LYPD6B: variants seen among roughly 807,000 people sequenced by gnomAD.
LYPD6B encodes LY6/PLAUR domain containing 6B.
Under a neutral mutation model 22.8 loss-of-function variants are expected in LYPD6B, and 17 were observed. That is an observed-to-expected ratio of 0.75 (90% CI 0.51 to 1.12). The LOEUF is 1.12. Ranked by LOEUF, LYPD6B falls within the 50% of genes most tolerant of loss-of-function variation. LYPD6B has a pLI of 0.00. For missense variants in LYPD6B, 221 were observed against 258.3 expected, an observed-to-expected ratio of 0.86 and a Z score of 0.99; for synonymous variants, 106 against 91.6, an observed-to-expected ratio of 1.16 and a Z score of -0.90.
intron 1 of LYPD6B, among the ~76,000 whole-genome samples, chr2:149,117,364 G>A (rs1687059023): frequency 1.3e-5 from 2 of 151,360 alleles, no homozygotes; most frequent in African/African-American, 4.9e-5. Context: ...TCTGCCTCCC[G>A]GGTTCAAGTG....
chr2:149,175,966 A>G (rs1003545408), intron 3 of LYPD6B, among the ~76,000 whole-genome samples: 19 of 152,146 alleles, frequency 1.2e-4, no homozygotes, highest in Admixed American at 5.2e-4. Flanking sequence ...ACTTTTTAAA[A>G]CAAATAAATA....
intron 2 of LYPD6B, chr2:149,154,102 G>A: frequency 1.1e-6 from 1 of 880,658 alleles, no homozygotes; most frequent in Non-Finnish European, 1.4e-6. Context: ...TATTATAGTG[G>A]ATTTGTATTT....
intron 1 of LYPD6B, among the ~76,000 whole-genome samples, chr2:149,093,486 C>G (rs748091465): frequency 2.6e-5 from 4 of 152,206 alleles, no homozygotes; most frequent in Non-Finnish European, 5.9e-5. Context: ...CATTCTGAGA[C>G]AATCCATGGT....
chr2:149,120,382 TA>T (rs1273010598), intron 1 of LYPD6B, among the ~76,000 whole-genome samples: 55 of 39,620 alleles, frequency 1.4e-3, no homozygotes, highest in African/African-American at 4.8e-3. Flanking sequence ...TATATATATA[TA>T]TTTTTTTTTT....
chr2:149,149,052 T>C (rs1390800300), intron 2 of LYPD6B, among the ~76,000 whole-genome samples: 1 of 152,138 alleles, frequency 6.6e-6, no homozygotes, highest in Non-Finnish European at 1.5e-5. Context: ...AGAAAGCAGC[T>C]AACCTGAAAC....
chr2:149,104,223 C>A (rs530970492), intron 1 of LYPD6B, among the ~76,000 whole-genome samples: 8 of 152,092 alleles, frequency 5.3e-5, no homozygotes, highest in Admixed American at 5.2e-4. Context: ...CATTTGTGTA[C>A]AGATCTTTGT....
At chr2:149,165,135 C>T (rs534058740) in intron 3 of LYPD6B, among the ~76,000 whole-genome samples, 1 of 152,196 alleles carries the variant, frequency 6.6e-6, no homozygotes, top group East Asian at 1.9e-4. Context: ...CATGGTCTGC[C>T]CCTCCAATAG....
chr2:149,181,926 G>A (rs1691756367), intron 3 of LYPD6B, among the ~76,000 whole-genome samples: 2 of 152,214 alleles, frequency 1.3e-5, no homozygotes, highest in South Asian at 4.1e-4. Context: ...AGCATGGTAT[G>A]GCAGCAAGAT....
chr2:149,200,497 A>G (rs758316934), intron 3 of LYPD6B: 3 of 148,998 alleles, frequency 2.0e-5, no homozygotes, highest in Non-Finnish European at 4.4e-5. Context: ...TCTAGCATGC[A>G]CTGAGCATGG....
intron 2 of LYPD6B, among the ~76,000 whole-genome samples, chr2:149,156,554 G>A (rs917809929): frequency 6.6e-6 from 1 of 152,174 alleles, no homozygotes; most frequent in African/African-American, 2.4e-5. Flanking sequence ...TCTTTCTGAG[G>A]CCTGTCTGCA....
intron 2 of LYPD6B, among the ~76,000 whole-genome samples, chr2:149,140,278 C>T (rs1353221329): frequency 2.0e-5 from 3 of 152,154 alleles, no homozygotes; most frequent in Non-Finnish European, 4.4e-5. Flanking sequence ...GCCAAGGCAA[C>T]GAGCGAGCTT....
At chr2:149,072,957 C>T (rs1317621222) in intron 1 of LYPD6B, among the ~76,000 whole-genome samples, 1 of 152,206 alleles carries the variant, frequency 6.6e-6, no homozygotes, top group African/African-American at 2.4e-5. Context: ...GCAGAGGGAA[C>T]AGCAAGTGCA....
At chr2:149,184,778 A>G (rs1691981142) in intron 3 of LYPD6B, among the ~76,000 whole-genome samples, 1 of 152,202 alleles carries the variant, frequency 6.6e-6, no homozygotes, top group Non-Finnish European at 1.5e-5. Context: ...ATGGTGAGAA[A>G]CCAGATATGC....
chr2:149,191,401 T>C (rs1184317030), intron 3 of LYPD6B, among the ~76,000 whole-genome samples: 1 of 152,142 alleles, frequency 6.6e-6, no homozygotes, highest in Non-Finnish European at 1.5e-5. Context: ...CCAACCATAT[T>C]TTTTTCCTGG....
intron 3 of LYPD6B, among the ~76,000 whole-genome samples, chr2:149,172,627 ATAGT>A: frequency 6.6e-6 from 1 of 152,236 alleles, no homozygotes; most frequent in East Asian, 1.9e-4. Context: ...GGATGCCCAG[ATAGT>A]TAGTAAAACA....
At chr2:149,085,399 C>A (rs1262500868) in intron 1 of LYPD6B, among the ~76,000 whole-genome samples, 1 of 152,260 alleles carries the variant, frequency 6.6e-6, no homozygotes, top group African/African-American at 2.4e-5. Flanking sequence ...GGAACCCAAA[C>A]CCAAAACTCC....
chr2:149,130,704 G>A (rs1453551800), intron 1 of LYPD6B, among the ~76,000 whole-genome samples, 179 bp from the exon 2 acceptor site: 2 of 152,150 alleles, frequency 1.3e-5, no homozygotes, highest in African/African-American at 4.8e-5. Context: ...AGGACAAGAG[G>A]CCACTGTACA....
intron 3 of LYPD6B, among the ~76,000 whole-genome samples, chr2:149,162,545 T>G (rs1228683282): frequency 6.6e-6 from 1 of 152,148 alleles, no homozygotes; most frequent in East Asian, 1.9e-4. Flanking sequence ...CACCACCTAC[T>G]GTTGACACTC....
chr2:149,055,163 G>A (rs1205713730), intron 1 of LYPD6B, among the ~76,000 whole-genome samples: 3 of 152,176 alleles, frequency 2.0e-5, no homozygotes, highest in Non-Finnish European at 4.4e-5. Context: ...TTCTGCCATT[G>A]AATTGTTTTG....
Sources: allele counts gnomAD v4.1 joint callset (sites outside exome capture counted in the v4.1 genomes callset), GRCh38; gene constraint gnomAD v4.1.1; transcripts MANE v1.5; gene names NCBI Gene and HGNC (gene_info 2026-07-23, HGNC 2026-07-21).